Variants in PPARG observed in about 807,000 individuals in gnomAD.
PPARG encodes peroxisome proliferator-activated receptor gamma.
PPARG carries 17 observed loss-of-function variants against 39.2 expected under a neutral mutation model. The ratio of observed to expected loss-of-function variants is 0.43; its 90% CI spans 0.30 to 0.65. The LOEUF is 0.65. Among genes scored for constraint, PPARG ranks in the 30% least tolerant of loss-of-function variants. The probability of loss-of-function intolerance (pLI) is 0.13; values close to 1 mark genes in which losing one functional copy is unlikely to be tolerated. For synonymous variants in PPARG, 223 were observed against 215.7 expected, an observed-to-expected ratio of 1.03 and a Z score of -0.30; for missense variants, 406 against 585.9, an observed-to-expected ratio of 0.69 and a Z score of 3.17.
rs192724692 is a variant in PPARG, at chr3:12,294,152, A to G, written c.-83+5018A>G. The stretch of plus-strand genomic sequence containing the variant: ...GGAGAGGGAAAAATAAAGTTAATGC[A>G]TGTCCCAGTTTCCTCATAAGCCAGA... On this transcript the variant is annotated intron_variant, in intron 1 of 7. Coordinates refer to ENST00000651735, the MANE Select transcript of PPARG (RefSeq NM_138711.6). Among the ~76,000 whole-genome samples, 11 of 152,318 alleles carry G rather than the reference A, an allele frequency of 7.2e-5. No homozygotes were observed. The East Asian group carries it at 2.1e-3, about 29-fold the overall frequency.
chr3:12,379,924 G>A lies in PPARG; in HGVS notation c.213G>A (p.Glu71=), dbSNP rs200800608. ...ADYKYDLKLQ[E]YQSAIKVEPA... is the part of the protein sequence containing the mutation. ...ACAAGTATGACCTGAAACTTCAAGA[G>A]TACCAAAGTATGATGTTTATTTTCA... The change falls in exon 3 of 8, where the codon GAG becomes GAA. Residue 71 remains glutamate, a synonymous_variant. Coordinates refer to ENST00000651735, the MANE Select transcript of PPARG (RefSeq NM_138711.6). The A allele has an allele frequency of 5.0e-6, 8 of 1,596,750 alleles. No individual in the cohort carries two copies. The highest frequency in any genetic ancestry group is 1.1e-5 in the South Asian group (1 of 90,736).
chr3:12,290,806 A>G (rs1039299661), intron 1 of PPARG, among the ~76,000 whole-genome samples: 1 of 152,196 alleles, frequency 6.6e-6, no homozygotes, highest in African/African-American at 2.4e-5. Flanking sequence ...ATATACAAGT[A>G]TTAATAATAC....
At chr3:12,379,973 A>G in intron 3 of PPARG, 42 bp downstream of exon 3, 1 of 1,487,028 alleles carries the variant, frequency 6.7e-7, no homozygotes, top group Non-Finnish European at 9.4e-7. Flanking sequence ...TAGGACTAGA[A>G]TTGGACTCAT....
At chr3:12,305,846 A>G (rs533238429) in intron 1 of PPARG, 2 of 152,292 alleles carry the variant, frequency 1.3e-5, no homozygotes, top group African/African-American at 4.8e-5. Context: ...CATTCTCTCT[A>G]CCTTTAGACC....
At chr3:12,427,921 T>G (rs2051511343) in intron 7 of PPARG, among the ~76,000 whole-genome samples, 1 of 152,202 alleles carries the variant, frequency 6.6e-6, no homozygotes, top group South Asian at 2.1e-4. Flanking sequence ...TGTTTGTTTG[T>G]TTTGGTTTTG....
At chr3:12,358,953 A>G (rs2048751290) in intron 2 of PPARG, among the ~76,000 whole-genome samples, 1 of 152,190 alleles carries the variant, frequency 6.6e-6, no homozygotes, top group Non-Finnish European at 1.5e-5. Flanking sequence ...TGGGATTTCA[A>G]TATGAATGAC....
chr3:12,414,869 T>C (rs1177467909), intron 6 of PPARG, among the ~76,000 whole-genome samples: 1 of 152,176 alleles, frequency 6.6e-6, no homozygotes, highest in Non-Finnish European at 1.5e-5. Context: ...TTGAAGTGAA[T>C]TTTTTGGTAA....
At chr3:12,321,146 C>A (rs1448586995) in intron 2 of PPARG, among the ~76,000 whole-genome samples, 3 of 152,168 alleles carry the variant, frequency 2.0e-5, no homozygotes, top group African/African-American at 7.2e-5. Context: ...GCAGCAGTCA[C>A]CCCTTTAAAA....
rs533599624 is a variant in PPARG, at chr3:12,433,489, C to T, written c.1181-409C>T. ...GGAGGCATAGGTTGTAGTGAGCCGA[C>T]GTCATGCCACTGCACTCCAGCCTGG... On this transcript the variant is annotated intron_variant, in intron 7 of 7. Transcript: ENST00000651735. 1.2e-3 allele frequency among the ~76,000 whole-genome samples: 182 copies of T among 148,776 alleles called. 2 individuals carry two copies. Among genetic ancestry groups the T allele is most frequent in the Admixed American group, 2.7e-3 (39 of 14,694 alleles).
At chr3:12,417,902 C>CTTTTTTTTTTTTCTTTTTT (rs2051131278) in intron 7 of PPARG, among the ~76,000 whole-genome samples, 1 of 65,898 alleles carries the variant, frequency 1.5e-5, no homozygotes, top group African/African-American at 5.9e-5. Context: ...TTTTTTTTTC[C>CTTTTTTTTTTTTCTTTTTT]TTTTTTTTTT....
intron 5 of PPARG, among the ~76,000 whole-genome samples, chr3:12,405,568 G>C (rs1181913450): frequency 6.6e-6 from 1 of 152,212 alleles, no homozygotes; most frequent in South Asian, 2.1e-4. Context: ...GGGATGAGTA[G>C]GAGTTGGTTC....
chr3:12,354,531 G>T (rs765736501), intron 2 of PPARG, among the ~76,000 whole-genome samples: 1 of 151,978 alleles, frequency 6.6e-6, no homozygotes, highest in Non-Finnish European at 1.5e-5. Context: ...AGATCACGAG[G>T]TCAGGAGGTC....
chr3:12,419,450 T>A (rs2051187339), intron 7 of PPARG, among the ~76,000 whole-genome samples: 1 of 152,096 alleles, frequency 6.6e-6, no homozygotes, highest in Non-Finnish European at 1.5e-5. Context: ...ATATTATTTA[T>A]CTAGTATTTT....
intron 2 of PPARG, among the ~76,000 whole-genome samples, chr3:12,374,919 A>G (rs984426456): frequency 6.6e-6 from 1 of 152,248 alleles, no homozygotes; most frequent in Non-Finnish European, 1.5e-5. Flanking sequence ...CCTTTTAGCC[A>G]TGAGATGTAC....
In PPARG at chr3:12,365,416, C is replaced by T. The variant is rs547855098; in HGVS notation, c.-8-14288C>T. On this transcript the variant is annotated intron_variant, in intron 2 of 7. Coordinates refer to ENST00000651735, the MANE Select transcript of PPARG (RefSeq NM_138711.6). ...CCAGATAATCAGTTATTTCATGGTTCATGTCTCTGGTGGTGTATCTAAAAA... is the reference window on the plus strand; with the variant it reads ...CCAGATAATCAGTTATTTCATGGTTTATGTCTCTGGTGGTGTATCTAAAAA... Among the ~76,000 whole-genome samples the T allele has an allele frequency of 6.6e-5, 10 of 152,190 alleles. No homozygotes were observed. In the East Asian group the frequency reaches 1.7e-3, roughly 26 times the overall value.
intron 2 of PPARG, among the ~76,000 whole-genome samples, chr3:12,370,112 TATC>T (rs915377814): frequency 2.0e-5 from 3 of 152,116 alleles, no homozygotes; most frequent in Non-Finnish European, 2.9e-5. Flanking sequence ...CTGGATGCCT[TATC>T]ATTCTGAAAA....
chr3:12,341,630 A>C (rs1015497166), intron 2 of PPARG, among the ~76,000 whole-genome samples: 1 of 152,160 alleles, frequency 6.6e-6, no homozygotes, highest in African/African-American at 2.4e-5. Context: ...CAACATGGTG[A>C]AACCCCATCT....
intron 7 of PPARG, 34 bp downstream of exon 7, chr3:12,417,188 G>T: frequency 6.2e-7 from 1 of 1,604,686 alleles, no homozygotes; most frequent in Non-Finnish European, 8.5e-7. Flanking sequence ...TATGAAAGAG[G>T]GTGGGATGAT....
At position 12,408,806 on chromosome 3, in the gene PPARG, C is replaced by T. The variant is rs1429290022; in HGVS notation, c.729+2725C>T. On this transcript the variant is annotated intron_variant, in intron 6 of 7. Coordinates refer to ENST00000651735, the MANE Select transcript of PPARG (RefSeq NM_138711.6). ...CAATCCTTATTAGAAATCCTGTCAA[C>T]TTAATAGTACCAGAAAGTCAGGCAA... 3.8e-4 allele frequency among the ~76,000 whole-genome samples: 56 copies of T among 149,132 alleles called. 1 individual carries two copies. Among genetic ancestry groups the T allele is most frequent in the Non-Finnish European group, 8.9e-5 (6 of 67,708 alleles).
Sources: allele counts gnomAD v4.1 joint callset (sites outside exome capture counted in the v4.1 genomes callset), GRCh38; gene constraint gnomAD v4.1.1; transcripts MANE v1.5; gene names NCBI Gene and HGNC (gene_info 2026-07-23, HGNC 2026-07-21).